Variants in CSMD1 observed in about 807,000 individuals in gnomAD.
CSMD1 encodes CUB and sushi domain-containing protein 1.
Under a neutral mutation model 417.5 loss-of-function variants are expected in CSMD1, and 213 were observed. The ratio of observed to expected loss-of-function variants is 0.51; its 90% CI spans 0.46 to 0.57. CSMD1 has a LOEUF of 0.57. CSMD1 is among the 20% of genes least tolerant of loss of function. The pLI is 0.00. For synonymous variants in CSMD1, 2,862 were observed against 1,736.8 expected (o/e 1.65, Z -16.11); for missense variants, 6,923 against 4,529.7 (o/e 1.53, Z -15.17).
intron 3 of CSMD1, among the ~76,000 whole-genome samples, chr8:4,296,013 C>CA (rs1274796320): frequency 6.6e-6 from 1 of 151,854 alleles, no homozygotes; most frequent in Non-Finnish European, 1.5e-5. Flanking sequence ...TTATCTCCAA[C>CA]AACATCTTAA....
chr8:4,382,169 T>A (rs78599185), intron 3 of CSMD1, among the ~76,000 whole-genome samples: 12,717 of 152,260 alleles, frequency 0.084, 695 homozygotes, highest in South Asian at 0.19. Context: ...CTTCATGGGA[T>A]GTTATTATAT....
chr8:4,450,805 G>GAA (rs1799096537), intron 2 of CSMD1, among the ~76,000 whole-genome samples: 1 of 152,076 alleles, frequency 6.6e-6, no homozygotes, highest in African/African-American at 2.4e-5. Flanking sequence ...TTTCATTTAC[G>GAA]AGAGGCATAA....
At chr8:4,322,940 G>A (rs980954212) in intron 3 of CSMD1, among the ~76,000 whole-genome samples, 2 of 152,136 alleles carry the variant, frequency 1.3e-5, no homozygotes, top group Non-Finnish European at 1.5e-5. Flanking sequence ...AGCCTAGATC[G>A]TGCCCCTGCA....
chr8:3,371,218 T>C (rs892888742), intron 18 of CSMD1, among the ~76,000 whole-genome samples: 6 of 152,150 alleles, frequency 3.9e-5, no homozygotes, highest in African/African-American at 1.4e-4. Context: ...CATGAGCCAA[T>C]TCCCACAATA....
rs967965072 is a variant in CSMD1, at chr8:4,133,705, A to C, written c.416-101606T>G. Reference sequence around the variant, plus strand: ...AAACATTTTTACACCATAATACATAAAGTGTAATCTCAAGACTGTTTATGG... The same window carrying C: ...AAACATTTTTACACCATAATACATACAGTGTAATCTCAAGACTGTTTATGG... On this transcript the variant is annotated intron_variant, in intron 3 of 69. Coordinates refer to ENST00000635120, the MANE Select transcript of CSMD1 (RefSeq NM_033225.6). Among the ~76,000 whole-genome samples the C allele has an allele frequency of 7.0e-4, 6 of 8,522 alleles. No homozygotes were observed. In the Non-Finnish European group the frequency reaches 0.018, roughly 25 times the overall value. The allele number at this position is 8,522 out of a possible 152,430, so 5.6% of individuals were successfully genotyped here. A position where few individuals can be genotyped will look rare whatever the true frequency, so the allele number is the denominator to read the frequency against.
At chr8:4,381,930 A>C (rs1334453491) in intron 3 of CSMD1, among the ~76,000 whole-genome samples, 1 of 152,082 alleles carries the variant, frequency 6.6e-6, no homozygotes, top group Non-Finnish European at 1.5e-5. Context: ...AGGGAAAACA[A>C]ATTTAAGTAT....
chr8:4,792,466 T>G (rs1267795351), intron 1 of CSMD1, among the ~76,000 whole-genome samples: 1 of 152,214 alleles, frequency 6.6e-6, no homozygotes, highest in Non-Finnish European at 1.5e-5. Flanking sequence ...TCAGCTGTTC[T>G]GAATATTCTT....
rs188894445 is a variant in CSMD1 at position 4,195,225 on chromosome 8, T to C, written c.416-163126A>G. Among the ~76,000 whole-genome samples, 4 of 152,314 alleles carry C rather than the reference T, an allele frequency of 2.6e-5. No homozygotes were observed. The East Asian group carries it at 7.7e-4, about 29-fold the overall frequency. ...AAACCTTGGGTGCATACATTCGATT[T>C]CAGGCAGATTTTTTAATTTGTTTTT... On this transcript the variant is annotated intron_variant, in intron 3 of 69. Transcript: ENST00000635120.
At chr8:4,169,631 T>A (rs995459043) in intron 3 of CSMD1, among the ~76,000 whole-genome samples, 1 of 152,138 alleles carries the variant, frequency 6.6e-6, no homozygotes, top group Non-Finnish European at 1.5e-5. Flanking sequence ...CATCAGTCCC[T>A]TGCTGCTGCA....
chr8:2,973,320 C>A, intron 56 of CSMD1, 21 bp from the exon 57 acceptor site: 1 of 1,608,710 alleles, frequency 6.2e-7, no homozygotes, highest in South Asian at 1.1e-5. Flanking sequence ...CAAACACATA[C>A]GGCAATCCAC....
chr8:2,996,866 A>C (rs1052330531), intron 54 of CSMD1, among the ~76,000 whole-genome samples: 23 of 152,372 alleles, frequency 1.5e-4, no homozygotes, highest in African/African-American at 5.5e-4. Context: ...GTTGTAGTTC[A>C]GGTGAAATCA....
chr8:4,098,785 C>G (rs1014180047), intron 3 of CSMD1, among the ~76,000 whole-genome samples: 25 of 152,130 alleles, frequency 1.6e-4, no homozygotes, highest in South Asian at 6.2e-4. Context: ...GCAGTCATTA[C>G]TAATAAGAAG....
At chr8:4,844,161 T>A (rs1392556711) in intron 1 of CSMD1, among the ~76,000 whole-genome samples, 1 of 152,140 alleles carries the variant, frequency 6.6e-6, no homozygotes. Context: ...CAAATATGAG[T>A]CAAGTTCTAC....
chr8:3,388,025 C>T (rs1251213090), intron 17 of CSMD1, among the ~76,000 whole-genome samples: 1 of 152,046 alleles, frequency 6.6e-6, no homozygotes, highest in Non-Finnish European at 1.5e-5. Context: ...TATTTTTCAC[C>T]ACCACTCTCC....
chr8:4,852,608 A>G lies in CSMD1; in HGVS notation c.85+141724T>C, dbSNP rs117227391. Among the ~76,000 whole-genome samples the G allele has an allele frequency of 1.1e-3, 165 of 152,300 alleles. 2 individuals are homozygous for G. The East Asian group carries it at 0.029, about 27-fold the overall frequency. Reference sequence around the variant, plus strand: ...GGTACCAGGAGTGGGATGTTGCTATAAAGATACTTGAAAATATGGAAGTGG... The same window carrying G: ...GGTACCAGGAGTGGGATGTTGCTATGAAGATACTTGAAAATATGGAAGTGG... On this transcript the variant is annotated intron_variant, in intron 1 of 69. Transcript: ENST00000635120.
chr8:4,602,750 G>A (rs1800659584), intron 2 of CSMD1, among the ~76,000 whole-genome samples: 1 of 152,070 alleles, frequency 6.6e-6, no homozygotes, highest in African/African-American at 2.4e-5. Flanking sequence ...GATAACTACT[G>A]CAGAAAAATC....
At chr8:3,746,987 C>T (rs994948098) in intron 6 of CSMD1, among the ~76,000 whole-genome samples, 4 of 152,150 alleles carry the variant, frequency 2.6e-5, no homozygotes, top group African/African-American at 4.8e-5. Flanking sequence ...TACAGCTATC[C>T]GAAAAAGTTC....
chr8:4,644,112 T>A (rs1350510527), intron 1 of CSMD1, among the ~76,000 whole-genome samples: 1 of 152,178 alleles, frequency 6.6e-6, no homozygotes, highest in African/African-American at 2.4e-5. Context: ...TCTTTGCCCA[T>A]GAGCAAGGCC....
Position 4,266,047 on chromosome 8 carries a change from T to G in CSMD1, c.415+153906A>C, listed in dbSNP as rs1461980084. Among the ~76,000 whole-genome samples the G allele has an allele frequency of 1.9e-5, 2 of 104,042 alleles. 1 individual carries two copies. Among genetic ancestry groups the G allele is most frequent in the Non-Finnish European group, 5.2e-5 (2 of 38,804 alleles). 68.3% of individuals were successfully genotyped at this position (104,042 alleles called of 152,430 possible). On this transcript the variant is annotated intron_variant, in intron 3 of 69. Transcript: ENST00000635120. Reference sequence around the variant, plus strand: ...ACCGCACTCAGGCTCGCCCGGCATATTAGCTGATACTGATCACCTGCCCAC... The same window carrying G: ...ACCGCACTCAGGCTCGCCCGGCATAGTAGCTGATACTGATCACCTGCCCAC...
Sources: gnomAD v4.1 joint callset for allele counts (sites outside exome capture counted in the v4.1 genomes callset) on GRCh38, gnomAD v4.1.1 for gene constraint, MANE v1.5 for transcripts, NCBI Gene and HGNC (gene_info 2026-07-23, HGNC 2026-07-21) for gene names.